ERBB4: variants seen among roughly 807,000 people sequenced by gnomAD.
ERBB4 encodes the protein erb-b2 receptor tyrosine kinase 4, also known as receptor tyrosine-protein kinase erbB-4.
ERBB4 carries 42 observed loss-of-function variants against 158.0 expected under a neutral mutation model. The observed-to-expected ratio is 0.27, with a 90% CI of 0.21 to 0.34. The LOEUF is 0.34. Ranked by LOEUF, ERBB4 falls within the 10% of genes least tolerant of loss-of-function variation. The pLI is 1.00. For missense variants in ERBB4, 1,333 were observed against 1,624.1 expected, an observed-to-expected ratio of 0.82 and a Z score of 3.08; for synonymous variants, 583 against 558.7, an observed-to-expected ratio of 1.04 and a Z score of -0.61.
At chr2:212,112,550 G>C (rs2079444575) in intron 2 of ERBB4, among the ~76,000 whole-genome samples, 1 of 152,012 alleles carries the variant, frequency 6.6e-6, no homozygotes, top group Non-Finnish European at 1.5e-5. Context: ...GCAGCAGCAA[G>C]ACAAAGTCCA....
chr2:211,509,102 A>G (rs2065825413), intron 20 of ERBB4, among the ~76,000 whole-genome samples: 1 of 152,068 alleles, frequency 6.6e-6, no homozygotes, highest in South Asian at 2.1e-4. Context: ...CAAACACCGC[A>G]TGTTCTCACT....
At chr2:211,820,872 T>C (rs914299657) in intron 3 of ERBB4, among the ~76,000 whole-genome samples, 62 of 151,766 alleles carry the variant, frequency 4.1e-4, no homozygotes, top group Admixed American at 4.0e-3. Context: ...AAAATCAGGA[T>C]AAGAACTCTC....
intron 25 of ERBB4, among the ~76,000 whole-genome samples, chr2:211,395,056 A>G (rs1394485825): frequency 1.3e-5 from 2 of 152,142 alleles, no homozygotes; most frequent in East Asian, 1.9e-4. Context: ...AGCCCACACG[A>G]TTAGTTATTA....
intron 1 of ERBB4, among the ~76,000 whole-genome samples, chr2:212,360,121 C>A (rs766825954): frequency 1.3e-5 from 2 of 151,670 alleles, no homozygotes; most frequent in Non-Finnish European, 2.9e-5. Context: ...ACCTCACTGT[C>A]CCTAACAAAG....
intron 1 of ERBB4, among the ~76,000 whole-genome samples, chr2:212,481,859 T>C (rs1689717146): frequency 6.6e-6 from 1 of 152,182 alleles, no homozygotes; most frequent in Admixed American, 6.5e-5. Flanking sequence ...TATTTCCAGA[T>C]TGACATATTG....
intron 1 of ERBB4, among the ~76,000 whole-genome samples, chr2:212,267,585 T>C (rs1209784726): frequency 1.4e-5 from 2 of 141,068 alleles, no homozygotes; most frequent in Non-Finnish European, 3.1e-5. Flanking sequence ...CTAAAAATCA[T>C]AGTTCTCATT....
chr2:211,729,968 G>A (rs2074378998), intron 5 of ERBB4, among the ~76,000 whole-genome samples: 1 of 151,952 alleles, frequency 6.6e-6, no homozygotes, highest in Admixed American at 6.6e-5. Context: ...TTATATTCGG[G>A]TCAGTAAACT....
chr2:212,536,609 C>CGA (rs1693081732), intron 1 of ERBB4, among the ~76,000 whole-genome samples: 3 of 152,164 alleles, frequency 2.0e-5, no homozygotes, highest in Admixed American at 2.0e-4. Context: ...AGCGAGGGCG[C>CGA]GAGCTAGTGT....
At chr2:211,525,019 G>A (rs1464489038) in intron 20 of ERBB4, among the ~76,000 whole-genome samples, 1 of 152,170 alleles carries the variant, frequency 6.6e-6, no homozygotes, top group African/African-American at 2.4e-5. Context: ...CTAGCCAAAG[G>A]AGAACTCACC....
intron 2 of ERBB4, among the ~76,000 whole-genome samples, chr2:212,048,104 T>C (rs944519145): frequency 1.3e-5 from 2 of 152,026 alleles, no homozygotes; most frequent in African/African-American, 2.4e-5. Flanking sequence ...GAAGATAAAA[T>C]AGCTATGACA....
At chr2:211,402,060 T>G (rs978527217) in intron 25 of ERBB4, among the ~76,000 whole-genome samples, 1 of 151,966 alleles carries the variant, frequency 6.6e-6, no homozygotes, top group African/African-American at 2.4e-5. Context: ...ATGAACATAT[T>G]CACAAAGAAG....
At chr2:211,468,610 A>C (rs542225383) in intron 20 of ERBB4, among the ~76,000 whole-genome samples, 17 of 152,264 alleles carry the variant, frequency 1.1e-4, no homozygotes, top group African/African-American at 3.8e-4. Flanking sequence ...TACATACACC[A>C]ACTCAGAAGA....
intron 3 of ERBB4, among the ~76,000 whole-genome samples, chr2:211,818,347 A>G (rs1393339549): frequency 6.6e-6 from 1 of 152,112 alleles, no homozygotes; most frequent in Non-Finnish European, 1.5e-5. Context: ...CCATCTGTCT[A>G]ATGAGAGATC....
intron 3 of ERBB4, among the ~76,000 whole-genome samples, chr2:211,905,744 G>GTGTATATATA (rs749531602): frequency 1.0e-3 from 123 of 119,382 alleles, no homozygotes; most frequent in African/African-American, 3.6e-3. Context: ...GCATGTGTGT[G>GTGTATATATA]TATATATATA....
chr2:211,497,577 TA>T (rs1287418038), intron 20 of ERBB4, among the ~76,000 whole-genome samples: 1 of 152,072 alleles, frequency 6.6e-6, no homozygotes, highest in Non-Finnish European at 1.5e-5. Context: ...AAGCACATTA[TA>T]AAAAAGTTTT....
rs925837534 is a variant in ERBB4, at chr2:211,950,159, AAGTCTTTACCC to A, written c.235-2554_235-2544del. Among the ~76,000 whole-genome samples, 3 of 152,166 alleles carry A rather than the reference AAGTCTTTACCC, an allele frequency of 2.0e-5. No individual in the cohort carries two copies. The South Asian group carries it at 6.2e-4, about 32-fold the overall frequency. ...CAGAATTCCCTTTGCAAATAACCCC[AAGTCTTTACCC>A]AGAAACTGTAATGTCATCTTCCCCA... On this transcript the variant is annotated intron_variant, in intron 2 of 27. Transcript: ENST00000342788.
chr2:211,768,768 G>C (rs553122733), intron 4 of ERBB4, among the ~76,000 whole-genome samples: 129 of 143,208 alleles, frequency 9.0e-4, no homozygotes, highest in Non-Finnish European at 1.7e-3. Flanking sequence ...TTTCCTCCTA[G>C]GCCTTTTGGC....
intron 1 of ERBB4, among the ~76,000 whole-genome samples, chr2:212,313,033 A>G (rs903492846): frequency 6.6e-6 from 1 of 150,866 alleles, no homozygotes; most frequent in African/African-American, 2.4e-5. Flanking sequence ...TATTTTGGCA[A>G]GTTTCTTTTC....
chr2:211,787,994 T>G, intron 4 of ERBB4, 31 bp downstream of exon 4: 1 of 1,608,508 alleles, frequency 6.2e-7, no homozygotes, highest in Non-Finnish European at 8.5e-7. Context: ...GTAGAACATT[T>G]TGAGAAATTA....
Sources: gnomAD v4.1 joint callset for allele counts (sites outside exome capture counted in the v4.1 genomes callset) on GRCh38, gnomAD v4.1.1 for gene constraint, MANE v1.5 for transcripts, NCBI Gene and HGNC (gene_info 2026-07-23, HGNC 2026-07-21) for gene names.